The following CANX variants were observed in gnomAD, a reference collection of about 807,000 sequenced individuals.
CANX encodes epididymis secretory sperm binding protein.
A neutral mutation model predicts 75.7 loss-of-function variants in CANX; 14 were observed. The observed-to-expected ratio is 0.19, with a 90% CI of 0.12 to 0.29. The LOEUF is 0.29. Among genes scored for constraint, CANX ranks in the 10% least tolerant of loss-of-function variants. The pLI is 1.00. For synonymous variants in CANX, 227 were observed against 236.9 expected (o/e 0.96, Z 0.38); for missense variants, 567 against 713.2 (o/e 0.79, Z 2.34).
chr5:179,717,153 A>G (rs1778010880), intron 8 of CANX, among the ~76,000 whole-genome samples: 1 of 152,186 alleles, frequency 6.6e-6, no homozygotes, highest in East Asian at 1.9e-4. Flanking sequence ...CCTTTGTAAA[A>G]TATCCTCCTA....
At chr5:179,701,312 G>T (rs1408912372) in intron 1 of CANX, among the ~76,000 whole-genome samples, 1 of 152,050 alleles carries the variant, frequency 6.6e-6, no homozygotes, top group Non-Finnish European at 1.5e-5. Context: ...TAATGAATTG[G>T]CTGGGCACGG....
chr5:179,728,704 TAGGAG>T lies in CANX; in HGVS notation c.*65_*69del. 1.6e-6 allele frequency: 2 copies of T among 1,218,050 alleles called. No individual in the cohort carries two copies. Among genetic ancestry groups the T allele is most frequent in the South Asian group, 1.2e-5 (1 of 82,146 alleles). The allele number at this position is 1,218,050 out of a possible 1,614,324, so 75.5% of individuals were successfully genotyped here. ...CCCTCCTCCCCTGCAAGAGTGGTCCTAGGAGAGGACCTGGCACACCTTAGGTTGAC... is the reference window on the plus strand; with the variant it reads ...CCCTCCTCCCCTGCAAGAGTGGTCCTAGGACCTGGCACACCTTAGGTTGAC... On this transcript the variant is annotated 3_prime_UTR_variant, in exon 15 of 15. Transcript: ENST00000247461.
At position 179,698,970 on chromosome 5, in the gene CANX, G is replaced by C. The variant is rs1208264370; in HGVS notation, c.-136G>C. Reference sequence around the variant, plus strand: ...CGGTGGGGCTCGCTCGCGCGGCAGCGGTGGCCGAGGCCTCTTGGTTCTGCG... The same window carrying C: ...CGGTGGGGCTCGCTCGCGCGGCAGCCGTGGCCGAGGCCTCTTGGTTCTGCG... On this transcript the variant is annotated 5_prime_UTR_variant, in exon 1 of 15. Transcript: ENST00000247461. 1.8e-6 allele frequency: 2 copies of C among 1,124,314 alleles called. No homozygotes were observed. The highest frequency in any genetic ancestry group is 9.4e-5 in the East Asian group (1 of 10,612). The allele number at this position is 1,124,314 out of a possible 1,614,324, so 69.6% of individuals were successfully genotyped here.
In CANX at chr5:179,708,220, T is replaced by TA. The variant is rs767371407; in HGVS notation, c.305-19_305-18insA. ...AGAGGTAGAGTTAAGCAGTGGAACT[T>TA]TTTTGTGTTGTCTTGTAGGAAAGTG... is the stretch of plus-strand genomic sequence containing the variant. On this transcript the variant is annotated intron_variant, in intron 4 of 14. Transcript: ENST00000247461. The TA allele has an allele frequency of 6.2e-7, 1 of 1,611,732 alleles. No individual in the cohort carries two copies. The highest frequency in any genetic ancestry group is 8.5e-7 in the Non-Finnish European group (1 of 1,178,180).
intron 7 of CANX, among the ~76,000 whole-genome samples, chr5:179,713,132 A>T (rs1777693815): frequency 6.6e-6 from 1 of 151,492 alleles, no homozygotes; most frequent in African/African-American, 2.4e-5. Flanking sequence ...TCCAGGCTGG[A>T]GTGCAGTGGC....
chr5:179,687,968 G>C (rs1341652312), intron 1 of CANX, among the ~76,000 whole-genome samples: 1 of 151,870 alleles, frequency 6.6e-6, no homozygotes, highest in Non-Finnish European at 1.5e-5. Flanking sequence ...CCAGGAGGTG[G>C]ACGTTGCAGT....
At chr5:179,693,558 C>T (rs1776339022), upstream of CANX, among the ~76,000 whole-genome samples, 1 of 152,054 alleles carries the variant, frequency 6.6e-6, no homozygotes, top group Admixed American at 6.6e-5. Flanking sequence ...CCTGTAGTCC[C>T]AGCTACTCTG....
At chr5:179,709,829 C>CT in intron 6 of CANX, 44 bp from the exon 7 acceptor site, 2 of 1,352,730 alleles carry the variant, frequency 1.5e-6, no homozygotes, top group Non-Finnish European at 2.0e-6. Flanking sequence ...CTTTTGAACA[C>CT]TTTGAGTACA....
chr5:179,724,370 C>T (rs1343641810), intron 12 of CANX, among the ~76,000 whole-genome samples: 1 of 152,192 alleles, frequency 6.6e-6, no homozygotes, highest in Non-Finnish European at 1.5e-5. Context: ...CCAGCCTCAG[C>T]CTCTGCCACT....
At chr5:179,694,264 G>T, upstream of CANX, 1 of 476,354 alleles carries the variant, frequency 2.1e-6, no homozygotes, top group East Asian at 3.5e-5. Context: ...GTGCAGACAT[G>T]CAGAGAAGAA....
chr5:179,680,667 C>T (rs921142085), intron 1 of CANX, among the ~76,000 whole-genome samples: 5 of 152,136 alleles, frequency 3.3e-5, no homozygotes, highest in African/African-American at 1.2e-4. Flanking sequence ...ATTTTGCTCA[C>T]TTCTCTCTGC....
At chr5:179,709,805 C>A in intron 6 of CANX, 68 bp from the exon 7 acceptor site, 1 of 1,016,132 alleles carries the variant, frequency 9.8e-7, no homozygotes, top group Non-Finnish European at 1.4e-6. Flanking sequence ...TTATCATACA[C>A]TTTTGAAACG....
chr5:179,699,007 T>C lies in CANX; in HGVS notation c.-99T>C. ...CTCTTGGTTCTGCGGCACGTGACGG[T>C]CGGGCCGCCTCCGCCTCTCTCTTTA... On this transcript the variant is annotated 5_prime_UTR_variant, in exon 1 of 15. Transcript: ENST00000247461. 8.9e-7 allele frequency: 1 copy of C among 1,120,740 alleles called. No homozygotes were observed. 69.4% of individuals were successfully genotyped at this position (1,120,740 alleles called of 1,614,324 possible).
rs144513282 is a variant in CANX at position 179,722,885 on chromosome 5, A to G, written c.1264A>G (p.Ile422Val). 2.6e-5 allele frequency: 42 copies of G among 1,613,480 alleles called. No homozygotes were observed. In the African/African-American group the frequency reaches 3.3e-4, roughly 13 times the overall value. The change falls in exon 11 of 15, where the codon ATT becomes GTT. Residue 422 changes from isoleucine to valine, a missense_variant. By Grantham distance (29) the Ile-to-Val change is conservative. This residue lies in a region of CANX where 49 missense variants were observed against 100.1 expected (regional missense o/e 0.49). Coordinates refer to ENST00000247461, the MANE Select transcript of CANX (RefSeq NM_001746.4). The stretch of plus-strand genomic sequence containing the variant: ...TTTCAGAATGACTCCTTTTAGTGCT[A>G]TTGGTTTGGAGCTGTGGTCCATGAC... ...EPFRMTPFSA[I>V]GLELWSMTSD...
intron 1 of CANX, among the ~76,000 whole-genome samples, chr5:179,682,709 CAAAAAA>C (rs11461581): frequency 1.0e-5 from 1 of 97,932 alleles, no homozygotes; most frequent in East Asian, 3.1e-4. Flanking sequence ...GACTCTGTCT[CAAAAAA>C]AAAAAAAAAA....
rs1391758354 is a variant in CANX, at chr5:179,726,713, G to A, written c.1679G>A (p.Gly560Asp). ...EKQKSDAEED[G>D]GTVSQEEEDR... ...CAGAAAAGTGATGCTGAAGAAGATG[G>A]TGGCACTGTCAGTCAAGAGGAGGAA... Residue 560 changes from glycine (G) to aspartate (D), a missense_variant, in exon 14 of 15, where the codon GGT (glycine) becomes GAT (aspartate). Physicochemically the swap from Gly to Asp is moderately conservative, Grantham distance 94. This residue lies in a region of CANX where 167 missense variants were observed against 179.3 expected (regional missense o/e 0.93). Coordinates refer to ENST00000247461, the MANE Select transcript of CANX (RefSeq NM_001746.4). The A allele has an allele frequency of 6.2e-7, 1 of 1,613,842 alleles. No individual in the cohort carries two copies. The highest frequency in any genetic ancestry group is 1.1e-5 in the South Asian group (1 of 91,072).
intron 1 of CANX, among the ~76,000 whole-genome samples, chr5:179,680,427 G>T (rs1415314003): frequency 6.6e-6 from 1 of 152,090 alleles, no homozygotes; most frequent in Admixed American, 6.6e-5. Flanking sequence ...TTGGGAAGGG[G>T]ACCTGAAACA....
upstream of CANX, among the ~76,000 whole-genome samples, chr5:179,696,949 G>A (rs1287351330): frequency 1.4e-5 from 1 of 69,320 alleles, no homozygotes; most frequent in African/African-American, 3.0e-5. Flanking sequence ...TTGGGAATTC[G>A]TATAATATGT....
At chr5:179,698,688 C>A, upstream of CANX, 1 of 993,198 alleles carries the variant, frequency 1.0e-6, no homozygotes, top group Non-Finnish European at 1.4e-6. Flanking sequence ...CAGCCCCGCC[C>A]CGAGACGCGC....
Sources: allele counts gnomAD v4.1 joint callset (sites outside exome capture counted in the v4.1 genomes callset), GRCh38; gene constraint gnomAD v4.1.1; regional missense constraint gnomAD v4.1.1; transcripts MANE v1.5; gene names NCBI Gene and HGNC (gene_info 2026-07-23, HGNC 2026-07-21).